MDGA2: variants seen among roughly 807,000 people sequenced by gnomAD.
MDGA2 encodes MAM domain containing glycosylphosphatidylinositol anchor 2, also known as MAM domain-containing glycosylphosphatidylinositol anchor protein 2.
In MDGA2, 40 loss-of-function variants were observed where a neutral mutation model predicts 117.8. That is an observed-to-expected ratio of 0.34 (90% CI 0.26 to 0.44). The LOEUF is 0.44. MDGA2 is among the 20% of genes least tolerant of loss of function. The pLI is 1.00. For synonymous variants in MDGA2, 452 were observed against 439.0 expected (o/e 1.03, Z -0.37); for missense variants, 1,123 against 1,250.6 (o/e 0.90, Z 1.54).
intron 8 of MDGA2, among the ~76,000 whole-genome samples, chr14:46,992,053 C>T (rs889633285): frequency 3.3e-5 from 5 of 152,086 alleles, no homozygotes; most frequent in South Asian, 2.1e-4. Context: ...GTAATAAAAG[C>T]TACGCCTAAC....
intron 10 of MDGA2, among the ~76,000 whole-genome samples, chr14:46,911,518 T>G (rs1883701456): frequency 6.6e-6 from 1 of 152,208 alleles, no homozygotes; most frequent in Admixed American, 6.5e-5. Flanking sequence ...TGTGGATGAC[T>G]CCACATTTCA....
At chr14:46,880,413 T>C (rs998093528) in intron 11 of MDGA2, among the ~76,000 whole-genome samples, 2 of 151,998 alleles carry the variant, frequency 1.3e-5, no homozygotes, top group Admixed American at 1.3e-4. Context: ...AAACCTGAAA[T>C]ACATTGAAAA....
intron 9 of MDGA2, among the ~76,000 whole-genome samples, chr14:46,937,309 G>A (rs1884821180): frequency 1.5e-5 from 2 of 134,362 alleles, no homozygotes; most frequent in East Asian, 2.1e-4. Context: ...AAAAATTGAG[G>A]AAGACACCAA....
chr14:47,367,245 T>C (rs980573123), intron 1 of MDGA2, among the ~76,000 whole-genome samples: 1 of 152,202 alleles, frequency 6.6e-6, no homozygotes, highest in East Asian at 1.9e-4. Flanking sequence ...AGAGCAATCA[T>C]CCATCTTGTT....
intron 1 of MDGA2, among the ~76,000 whole-genome samples, chr14:47,602,217 A>G (rs924652412): frequency 5.3e-5 from 8 of 152,140 alleles, no homozygotes; most frequent in African/African-American, 1.9e-4. Context: ...TAAACAACCA[A>G]TCGACAGACC....
intron 2 of MDGA2, among the ~76,000 whole-genome samples, chr14:47,260,449 T>C (rs548056170): frequency 5.9e-5 from 9 of 152,170 alleles, no homozygotes; most frequent in African/African-American, 1.9e-4. Flanking sequence ...AGAAGTCACC[T>C]AAGATACAGA....
intron 1 of MDGA2, among the ~76,000 whole-genome samples, chr14:47,547,841 T>A (rs1895493578): frequency 1.3e-5 from 2 of 152,166 alleles, no homozygotes; most frequent in Admixed American, 1.3e-4. Flanking sequence ...AAAAATTATA[T>A]CCCTAGGTTT....
chr14:47,573,290 A>T lies in MDGA2; in HGVS notation c.280+101227T>A, dbSNP rs569144909. Among the ~76,000 whole-genome samples, 5 of 152,310 alleles carry T rather than the reference A, an allele frequency of 3.3e-5. No homozygotes were observed. In the South Asian group the frequency reaches 1.0e-3, roughly 32 times the overall value. On this transcript the variant is annotated intron_variant, in intron 1 of 16. Transcript: ENST00000399232. Reference sequence around the variant, plus strand: ...TTCTTTTGGGGAGTGTTTTCCAAGCAGTTGAGTATGAACTGTTGGTTAGAG... The same window carrying T: ...TTCTTTTGGGGAGTGTTTTCCAAGCTGTTGAGTATGAACTGTTGGTTAGAG...
chr14:46,854,570 T>C (rs1881188634), intron 15 of MDGA2, among the ~76,000 whole-genome samples: 1 of 151,782 alleles, frequency 6.6e-6, no homozygotes, highest in African/African-American at 2.4e-5. Context: ...GTCATCTTAA[T>C]TTTAATAATC....
intron 1 of MDGA2, among the ~76,000 whole-genome samples, chr14:47,526,309 C>T (rs900801522): frequency 6.6e-6 from 1 of 152,028 alleles, no homozygotes; most frequent in Admixed American, 6.6e-5. Flanking sequence ...TGCACAAAAG[C>T]TCTGGTTGGT....
chr14:47,202,339 G>C (rs767807710), intron 3 of MDGA2, among the ~76,000 whole-genome samples: 1 of 152,188 alleles, frequency 6.6e-6, no homozygotes, highest in Non-Finnish European at 1.5e-5. Flanking sequence ...GTAAAAGGTG[G>C]AGATGCATGC....
intron 5 of MDGA2, among the ~76,000 whole-genome samples, chr14:47,129,470 T>C (rs1448376900): frequency 6.6e-6 from 1 of 151,514 alleles, no homozygotes; most frequent in African/African-American, 2.4e-5. Flanking sequence ...ATGTGCCACA[T>C]TTTCTTAATC....
intron 3 of MDGA2, among the ~76,000 whole-genome samples, chr14:47,169,759 C>G (rs1363149699): frequency 2.0e-5 from 3 of 151,950 alleles, no homozygotes; most frequent in African/African-American, 7.2e-5. Context: ...AACAGACAAA[C>G]TTTTCTGTAG....
At chr14:47,463,544 T>C (rs1298783584) in intron 1 of MDGA2, among the ~76,000 whole-genome samples, 1 of 152,170 alleles carries the variant, frequency 6.6e-6, no homozygotes, top group African/African-American at 2.4e-5. Flanking sequence ...TGTGTGAGCC[T>C]TGATTGATAA....
chr14:46,985,161 G>T (rs930331122), intron 8 of MDGA2, among the ~76,000 whole-genome samples: 2 of 151,976 alleles, frequency 1.3e-5, no homozygotes, highest in African/African-American at 4.8e-5. Context: ...TTCCTAGTTT[G>T]CATTTTGTGA....
At chr14:47,002,286 C>T (rs1334816188) in intron 8 of MDGA2, among the ~76,000 whole-genome samples, 2 of 152,018 alleles carry the variant, frequency 1.3e-5, no homozygotes, top group Non-Finnish European at 2.9e-5. Context: ...GTCCTATATA[C>T]TGTTAAAAAT....
chr14:47,036,048 T>C (rs1888835969), intron 7 of MDGA2, among the ~76,000 whole-genome samples: 1 of 151,926 alleles, frequency 6.6e-6, no homozygotes, highest in Non-Finnish European at 1.5e-5. Context: ...GGCAGGAGGA[T>C]CACGAGGTCA....
intron 1 of MDGA2, among the ~76,000 whole-genome samples, chr14:47,387,683 G>A (rs992406695): frequency 6.6e-6 from 1 of 152,112 alleles, no homozygotes. Context: ...CAGCATGTGG[G>A]CATAATTATT....
chr14:47,440,477 T>C (rs923682452), intron 1 of MDGA2, among the ~76,000 whole-genome samples: 1 of 152,136 alleles, frequency 6.6e-6, no homozygotes, highest in African/African-American at 2.4e-5. Flanking sequence ...ATTGGGACAG[T>C]GATGGCAACT....
Sources: gnomAD v4.1 joint callset for allele counts (sites outside exome capture counted in the v4.1 genomes callset) on GRCh38, gnomAD v4.1.1 for gene constraint, MANE v1.5 for transcripts, NCBI Gene and HGNC (gene_info 2026-07-23, HGNC 2026-07-21) for gene names.